Variants in GOLGA5 observed in about 807,000 individuals in gnomAD.
GOLGA5 encodes golgin A5, also known as golgin subfamily A member 5.
In GOLGA5, 50 loss-of-function variants were observed where a neutral mutation model predicts 93.5. The ratio of observed to expected loss-of-function variants is 0.53; its 90% CI spans 0.43 to 0.68. GOLGA5 has a LOEUF of 0.68. Among genes scored for constraint, GOLGA5 ranks in the 30% least tolerant of loss-of-function variants. The pLI is 0.00. For synonymous variants in GOLGA5, 312 were observed against 304.5 expected, an observed-to-expected ratio of 1.02 and a Z score of -0.26; for missense variants, 760 against 856.4, an observed-to-expected ratio of 0.89 and a Z score of 1.40.
At chr14:92,835,712 CG>C in intron 11 of GOLGA5, 48 bp downstream of exon 11, 1 of 1,160,092 alleles carries the variant, frequency 8.6e-7, no homozygotes, top group Non-Finnish European at 1.3e-6. Context: ...GCTGTTTTTA[CG>C]TTTTTCAGGG....
Position 92,797,840 on chromosome 14 carries a change from A to T in GOLGA5, c.403A>T (p.Thr135Ser). The change falls in exon 2 of 13, where the codon ACC becomes TCC. Residue 135 changes from threonine to serine, a missense_variant. Coordinates refer to ENST00000163416, the MANE Select transcript of GOLGA5 (RefSeq NM_005113.4). ...TCTTAATAGTTCACAGAAGGAGCCT[A>T]CCGGGAGGGTGGAAATCAGAAAGGA... ...DFLNSSQKEP[T>S]GRVEIRKEKG... The T allele has an allele frequency of 1.9e-6, 3 of 1,614,092 alleles. No homozygotes were observed. Among genetic ancestry groups the T allele is most frequent in the Non-Finnish European group, 2.5e-6 (3 of 1,179,964 alleles).
intron 1 of GOLGA5, among the ~76,000 whole-genome samples, chr14:92,796,718 C>A (rs939205940): frequency 8.0e-5 from 12 of 149,702 alleles, no homozygotes; most frequent in Non-Finnish European, 1.2e-4. Context: ...CGCCTGTAAT[C>A]CCCGCACTTT....
intron 4 of GOLGA5, 86 bp downstream of exon 4, chr14:92,809,605 G>T (rs973860442): frequency 6.1e-5 from 49 of 797,606 alleles, no homozygotes; most frequent in Non-Finnish European, 9.1e-5. Context: ...AGCTTTCTTG[G>T]AAATTTACAA....
At chr14:92,818,751 A>G (rs1885258641) in intron 7 of GOLGA5, among the ~76,000 whole-genome samples, 1 of 152,248 alleles carries the variant, frequency 6.6e-6, no homozygotes. Context: ...AACAGATAAA[A>G]AAGCAAAAAT....
At chr14:92,837,502 TTTTTTTTG>T in intron 12 of GOLGA5, 53 bp downstream of exon 12, 1 of 696,324 alleles carries the variant, frequency 1.4e-6, no homozygotes, top group African/African-American at 4.6e-5. Context: ...TAACTAGTTT[TTTTTTTTG>T]TTTGTTTGTT....
At chr14:92,835,756 C>G in intron 11 of GOLGA5, 92 bp downstream of exon 11, 1 of 668,772 alleles carries the variant, frequency 1.5e-6, no homozygotes, top group Non-Finnish European at 2.7e-6. Context: ...CAGGCAGAGT[C>G]TATATTTAAA....
chr14:92,814,041 C>G (rs551045385), intron 6 of GOLGA5, among the ~76,000 whole-genome samples: 1 of 151,768 alleles, frequency 6.6e-6, no homozygotes, highest in South Asian at 2.1e-4. Flanking sequence ...GGAAAGAGAA[C>G]AGGTTAGGGT....
intron 6 of GOLGA5, 149 bp from the exon 7 acceptor site, chr14:92,816,102 T>C (rs1332386116): frequency 3.3e-6 from 2 of 600,872 alleles, no homozygotes; most frequent in Non-Finnish European, 5.9e-6. Flanking sequence ...GTTGTGTTTT[T>C]TATCCTTAGG....
At chr14:92,802,101 A>G (rs1173671264) in intron 2 of GOLGA5, among the ~76,000 whole-genome samples, 3 of 152,266 alleles carry the variant, frequency 2.0e-5, no homozygotes, top group East Asian at 1.9e-4. Context: ...AATTGCTTCT[A>G]TATAGACAGT....
intron 1 of GOLGA5, among the ~76,000 whole-genome samples, chr14:92,797,075 A>C (rs1431026167): frequency 1.0e-5 from 1 of 98,580 alleles, no homozygotes; most frequent in Non-Finnish European, 2.5e-5. Flanking sequence ...ATAAATAATA[A>C]AAATAGAAAT....
chr14:92,803,489 C>T (rs1884917553), intron 2 of GOLGA5, among the ~76,000 whole-genome samples: 1 of 152,106 alleles, frequency 6.6e-6, no homozygotes, highest in African/African-American at 2.4e-5. Flanking sequence ...ATTTCCTGAA[C>T]GTTTGCTAGA....
intron 12 of GOLGA5, among the ~76,000 whole-genome samples, chr14:92,839,165 C>CTCAACTGAATTCT (rs1271939245): frequency 1.3e-5 from 2 of 152,218 alleles, no homozygotes; most frequent in Non-Finnish European, 2.9e-5. Flanking sequence ...GCTGACTCCT[C>CTCAACTGAATTCT]TCAACTGAAT....
chr14:92,801,610 T>C (rs961413067), intron 2 of GOLGA5, among the ~76,000 whole-genome samples: 3 of 152,198 alleles, frequency 2.0e-5, no homozygotes, highest in African/African-American at 4.8e-5. Flanking sequence ...ATAGAAGTTC[T>C]TAATGTAGAT....
Position 92,816,390 on chromosome 14 carries a change from G to T in GOLGA5, c.1460G>T (p.Gly487Val), listed in dbSNP as rs372309521. The T allele has an allele frequency of 9.9e-6, 16 of 1,613,784 alleles. No individual in the cohort carries two copies. Among genetic ancestry groups the T allele is most frequent in the Non-Finnish European group, 1.4e-5 (16 of 1,179,852 alleles). The stretch of plus-strand genomic sequence containing the variant: ...AGGGAGGAAATACAGAAGCTGATGG[G>T]CCAGATACATCAGCTCAGATCCGAA... ...MQREEIQKLMGQIHQLRSELQ... is the reference protein window; with the variant it reads ...MQREEIQKLMVQIHQLRSELQ... The change falls in exon 7 of 13, where the codon GGC becomes GTC. Residue 487 changes from glycine (G) to valine (V), a missense_variant. Coordinates refer to ENST00000163416, the MANE Select transcript of GOLGA5 (RefSeq NM_005113.4).
chr14:92,817,848 G>A (rs974768133), intron 7 of GOLGA5, among the ~76,000 whole-genome samples: 1 of 152,150 alleles, frequency 6.6e-6, no homozygotes, highest in Non-Finnish European at 1.5e-5. Context: ...TTCATCTTGC[G>A]GAGCTTTAAT....
rs1022131627 is a variant in GOLGA5 at position 92,809,168 on chromosome 14, A to C, written c.773-132A>C. ...GTGGATGACCCTTTGGGGCAAAGAAAATTGAAGACGTGTAAGTTCCCAATT... is the reference window on the plus strand; with the variant it reads ...GTGGATGACCCTTTGGGGCAAAGAACATTGAAGACGTGTAAGTTCCCAATT... On this transcript the variant is annotated intron_variant, in intron 3 of 12. Coordinates refer to ENST00000163416, the MANE Select transcript of GOLGA5 (RefSeq NM_005113.4). 4 of 623,514 alleles carry C rather than the reference A, an allele frequency of 6.4e-6. No homozygotes were observed. In the Admixed American group the frequency reaches 1.2e-4, roughly 18 times the overall value. 38.6% of individuals were successfully genotyped at this position (623,514 alleles called of 1,614,324 possible).
chr14:92,814,041 C>T (rs551045385), intron 6 of GOLGA5, among the ~76,000 whole-genome samples: 1 of 151,886 alleles, frequency 6.6e-6, no homozygotes, highest in Admixed American at 6.6e-5. Flanking sequence ...GGAAAGAGAA[C>T]AGGTTAGGGT....
At chr14:92,834,534 CAGAA>C (rs886207234) in intron 10 of GOLGA5, among the ~76,000 whole-genome samples, 24 of 152,128 alleles carry the variant, frequency 1.6e-4, no homozygotes, top group African/African-American at 5.6e-4. Flanking sequence ...GTGTTCCAGG[CAGAA>C]AGAAGAGCAG....
intron 4 of GOLGA5, 76 bp downstream of exon 4, chr14:92,809,595 A>C: frequency 1.2e-6 from 1 of 869,158 alleles, no homozygotes. Context: ...TATGAAACTT[A>C]GCTTTCTTGG....
Sources: allele counts gnomAD v4.1 joint callset (sites outside exome capture counted in the v4.1 genomes callset), GRCh38; gene constraint gnomAD v4.1.1; transcripts MANE v1.5; gene names NCBI Gene and HGNC (gene_info 2026-07-23, HGNC 2026-07-21).